Variants in USP31 observed in about 807,000 individuals in gnomAD.
The protein encoded by USP31 is ubiquitin carboxyl-terminal hydrolase 31.
In USP31, 44 loss-of-function variants were observed where a neutral mutation model predicts 119.4. The ratio of observed to expected loss-of-function variants is 0.37; its 90% CI spans 0.29 to 0.47. The LOEUF (loss-of-function observed/expected upper bound fraction) is 0.47. Among genes scored for constraint, USP31 ranks in the 20% least tolerant of loss-of-function variants. USP31 has a pLI of 0.99. For synonymous variants in USP31, 749 were observed against 705.6 expected (o/e 1.06, Z -0.97); for missense variants, 1,643 against 1,730.2 (o/e 0.95, Z 0.89).
chr16:23,148,141 T>A (rs532630023), intron 1 of USP31, among the ~76,000 whole-genome samples: 5 of 152,208 alleles, frequency 3.3e-5, no homozygotes, highest in Admixed American at 6.5e-5. Flanking sequence ...AAAAAACGGT[T>A]AAATATGGGT....
chr16:23,108,520 G>A (rs1338779102), intron 1 of USP31, among the ~76,000 whole-genome samples: 1 of 152,086 alleles, frequency 6.6e-6, no homozygotes, highest in East Asian at 1.9e-4. Flanking sequence ...AAAGAGAATT[G>A]GTTAAGAGTA....
intron 1 of USP31, among the ~76,000 whole-genome samples, chr16:23,124,924 C>T (rs1902799343): frequency 1.3e-5 from 2 of 152,098 alleles, no homozygotes; most frequent in Non-Finnish European, 2.9e-5. Flanking sequence ...CCTAGAGTAT[C>T]TACGCATCAA....
At chr16:23,079,809 A>C (rs1324455202) in intron 13 of USP31, 137 bp downstream of exon 13, 2 of 747,760 alleles carry the variant, frequency 2.7e-6, no homozygotes, top group African/African-American at 3.7e-5. Flanking sequence ...AGAGATCCAG[A>C]GGATGGAAAC....
At chr16:23,085,382 G>A (rs1009927440) in intron 10 of USP31, among the ~76,000 whole-genome samples, 1 of 152,176 alleles carries the variant, frequency 6.6e-6, no homozygotes, top group Admixed American at 6.5e-5. Context: ...GTGAACAAAT[G>A]TTCTAAGGTT....
At chr16:23,073,913 GAGGCTGCACC>G in intron 13 of USP31, 33 bp from the exon 14 acceptor site, 1 of 1,612,792 alleles carries the variant, frequency 6.2e-7, no homozygotes, top group Non-Finnish European at 8.5e-7. Flanking sequence ...AGCACCAGGG[GAGGCTGCACC>G]AGCCACTTCA....
chr16:23,126,320 TAAAAAAAAA>T (rs71279502), intron 1 of USP31, among the ~76,000 whole-genome samples: 5 of 107,168 alleles, frequency 4.7e-5, no homozygotes, highest in Admixed American at 4.1e-4. Context: ...CCTGTCTCTT[TAAAAAAAAA>T]AAAAAAAAAA....
chr16:23,086,576 C>T (rs1901118824), intron 9 of USP31, among the ~76,000 whole-genome samples: 1 of 152,096 alleles, frequency 6.6e-6, no homozygotes, highest in Admixed American at 6.6e-5. Flanking sequence ...GGAAACCACA[C>T]ATGCAAAGCA....
At chr16:23,069,802 T>C (rs946220264) in intron 15 of USP31, among the ~76,000 whole-genome samples, 186 bp from the exon 16 acceptor site, 4 of 152,220 alleles carry the variant, frequency 2.6e-5, no homozygotes, top group African/African-American at 9.6e-5. Context: ...AGTTTCCTTA[T>C]GTATAAAATA....
rs1045195 is a variant in USP31, at chr16:23,066,030, G to A, written c.*2016C>T. ...GAGAGCGGTGGCTACACACTGATGG[G>A]GCTGTGATGTGCTGGGCTGAACGCA... On this transcript the variant is annotated 3_prime_UTR_variant, in exon 16 of 16. Coordinates refer to ENST00000219689, the MANE Select transcript of USP31 (RefSeq NM_020718.4). 42,508 of 152,082 alleles carry A rather than the reference G, an allele frequency of 0.28. 6,301 individuals are homozygous for A. Among genetic ancestry groups the A allele is most frequent in the Admixed American group, 0.35 (5,362 of 15,280 alleles). 9.4% of individuals were successfully genotyped at this position (152,082 alleles called of 1,614,324 possible).
chr16:23,107,913 T>C, intron 2 of USP31, 133 bp downstream of exon 2: 2 of 1,079,196 alleles, frequency 1.9e-6, no homozygotes, highest in South Asian at 2.4e-5. Context: ...GTCCTTTAAG[T>C]AGCCACTGAA....
At chr16:23,133,342 T>C (rs1262292453) in intron 1 of USP31, among the ~76,000 whole-genome samples, 1 of 152,202 alleles carries the variant, frequency 6.6e-6, no homozygotes, top group Non-Finnish European at 1.5e-5. Context: ...AAGCTGTCTT[T>C]GGTTGTGCCA....
intron 6 of USP31, among the ~76,000 whole-genome samples, chr16:23,093,756 T>C (rs1240551200): frequency 6.6e-6 from 1 of 152,024 alleles, no homozygotes; most frequent in Non-Finnish European, 1.5e-5. Flanking sequence ...CTATTCATAA[T>C]AGACAAAAGG....
intron 1 of USP31, among the ~76,000 whole-genome samples, chr16:23,140,304 T>C (rs938924941): frequency 5.3e-5 from 8 of 152,188 alleles, no homozygotes; most frequent in African/African-American, 1.9e-4. Flanking sequence ...CGAGGGACAT[T>C]TGGCAGTATC....
chr16:23,069,278 C>T lies in USP31; in HGVS notation c.2827G>A (p.Ala943Thr). 1 of 1,612,170 alleles carries T rather than the reference C, an allele frequency of 6.2e-7. No homozygotes were observed. The highest frequency in any genetic ancestry group is 8.5e-7 in the Non-Finnish European group (1 of 1,179,054). ...TCTTTGAACACGCCTTCCATGACAG[C>T]CAGAGGGGCCCGGCCCACAGCCTTG... is the stretch of plus-strand genomic sequence containing the variant. ...EHKAVGRAPL[A>T]VMEGVFKDES... Residue 943 changes from alanine to threonine, a missense_variant, in exon 16 of 16, where the codon GCT becomes ACT. Physicochemically the swap from Ala to Thr is moderately conservative, Grantham distance 58. Around this residue, in one of 5 missense-constraint regions of USP31, gnomAD observed 699 missense variants for 650.9 expected, o/e 1.07. Coordinates refer to ENST00000219689, the MANE Select transcript of USP31 (RefSeq NM_020718.4).
intron 6 of USP31, among the ~76,000 whole-genome samples, chr16:23,093,728 C>T (rs988121803): frequency 2.0e-5 from 3 of 152,032 alleles, no homozygotes; most frequent in Non-Finnish European, 4.4e-5. Flanking sequence ...TACTTGTACA[C>T]AAATGCTCAT....
chr16:23,090,545 T>C (rs2141852590), intron 7 of USP31, 79 bp downstream of exon 7: 1 of 1,374,460 alleles, frequency 7.3e-7, no homozygotes, highest in East Asian at 2.4e-5. Context: ...AAGAACTTTT[T>C]GCCCATGCTT....
chr16:23,106,128 A>T, intron 4 of USP31, 85 bp downstream of exon 4: 2 of 1,405,778 alleles, frequency 1.4e-6, no homozygotes, highest in Non-Finnish European at 1.0e-6. Flanking sequence ...CTGTCTAAAT[A>T]AGTAAGAAGA....
rs1279922868 is a variant in USP31, at chr16:23,069,093, T to C, written c.3012A>G (p.Lys1004=). The change falls in exon 16 of 16, where the codon AAA becomes AAG. Residue 1004 remains lysine, a synonymous_variant. Transcript: ENST00000219689. ...CTGGGTGGCTGGGGGCTTTCACCTC[T>C]TTGACTGGAGAGCTGTCTACGGAGT... ...QSDSVDSSPV[K]EVKAPSHPGS... 1 of 1,612,616 alleles carries C rather than the reference T, an allele frequency of 6.2e-7. No homozygotes were observed. The highest frequency in any genetic ancestry group is 1.3e-5 in the African/African-American group (1 of 74,926).
intron 1 of USP31, among the ~76,000 whole-genome samples, chr16:23,124,671 C>T (rs998337654): frequency 6.6e-6 from 1 of 152,058 alleles, no homozygotes; most frequent in African/African-American, 2.4e-5. Context: ...GGTGGATCAC[C>T]GAAGGTCAGG....
Sources: allele counts gnomAD v4.1 joint callset (sites outside exome capture counted in the v4.1 genomes callset), GRCh38; gene constraint gnomAD v4.1.1; regional missense constraint gnomAD v4.1.1; transcripts MANE v1.5; gene names NCBI Gene and HGNC (gene_info 2026-07-23, HGNC 2026-07-21).